The following RPSA2 variants were observed in gnomAD, a reference collection of about 807,000 sequenced individuals.
RPSA2 encodes small ribosomal subunit protein uS2B.
chr19:23,828,053 G>A, the RPSA2 span: 1 of 613,678 alleles, frequency 1.6e-6, no homozygotes, highest in Non-Finnish European at 2.9e-6. Flanking sequence ...GTCTTAAGCT[G>A]TTCTTGCATA....
At chr19:23,832,157 A>C in the RPSA2 span, 2 of 417,124 alleles carry the variant, frequency 4.8e-6, no homozygotes, top group Non-Finnish European at 9.7e-6. Context: ...GAATGTGGCA[A>C]AGCATTTTGC....
At chr19:23,859,645 TTGCTTAGTCATGTCTTC>T in the RPSA2 span, among the ~76,000 whole-genome samples, 6 of 152,116 alleles carry the variant, frequency 3.9e-5, no homozygotes, top group Non-Finnish European at 8.8e-5. Flanking sequence ...AAAAATTGAA[TTGCTTAGTCATGTCTTC>T]TGCTTATTTT....
the RPSA2 span, among the ~76,000 whole-genome samples, chr19:23,814,789 T>A: frequency 6.6e-6 from 1 of 152,190 alleles, no homozygotes; most frequent in Non-Finnish European, 1.5e-5. Flanking sequence ...TCAGTTTTGG[T>A]CAGAAAACAC....
At chr19:23,761,729 C>T in the RPSA2 span, among the ~76,000 whole-genome samples, 4 of 151,654 alleles carry the variant, frequency 2.6e-5, no homozygotes, top group Non-Finnish European at 5.9e-5. Context: ...GGACAGTTGG[C>T]CATGTTCAAT....
At chr19:23,830,925 C>T in the RPSA2 span, among the ~76,000 whole-genome samples, 65,755 of 151,794 alleles carry the variant, frequency 0.43, 14,920 homozygotes, top group Non-Finnish European at 0.52. Flanking sequence ...AGTCTGAAAA[C>T]AATTGTTTTG....
At chr19:23,826,838 A>G in the RPSA2 span, among the ~76,000 whole-genome samples, 1 of 150,954 alleles carries the variant, frequency 6.6e-6, no homozygotes, top group Admixed American at 6.6e-5. Context: ...GGCACGTGCC[A>G]ACACGTTTGG....
chr19:23,813,017 C>T, the RPSA2 span, among the ~76,000 whole-genome samples: 1 of 151,864 alleles, frequency 6.6e-6, no homozygotes, highest in Non-Finnish European at 1.5e-5. Flanking sequence ...TTGCTTGAGC[C>T]CAAAAGATTG....
chr19:23,868,650 G>A, the RPSA2 span, among the ~76,000 whole-genome samples: 2 of 152,330 alleles, frequency 1.3e-5, no homozygotes, highest in East Asian at 1.9e-4. Context: ...GAGGAAATTA[G>A]GAAAGTTTAT....
the RPSA2 span, among the ~76,000 whole-genome samples, chr19:23,806,497 G>A: frequency 0.022 from 3,331 of 151,914 alleles, 131 homozygotes; most frequent in African/African-American, 0.077. Context: ...AAAGTTCTGA[G>A]AAAAGTGGCT....
chr19:23,779,954 A>G, the RPSA2 span, among the ~76,000 whole-genome samples: 2 of 152,182 alleles, frequency 1.3e-5, no homozygotes, highest in East Asian at 1.9e-4. Flanking sequence ...AAGAAATTAC[A>G]TATCAGTGGC....
At chr19:23,866,366 C>T in the RPSA2 span, among the ~76,000 whole-genome samples, 1 of 152,230 alleles carries the variant, frequency 6.6e-6, no homozygotes, top group African/African-American at 2.4e-5. Context: ...CATGCTCAAG[C>T]AATGGCTAGT....
chr19:23,807,033 G>A, the RPSA2 span, among the ~76,000 whole-genome samples: 9 of 152,094 alleles, frequency 5.9e-5, no homozygotes, highest in Non-Finnish European at 1.3e-4. Flanking sequence ...TTGTTCGAGT[G>A]CATTTGATGT....
the RPSA2 span, among the ~76,000 whole-genome samples, chr19:23,797,987 G>T: frequency 2.0e-5 from 3 of 152,052 alleles, no homozygotes; most frequent in Non-Finnish European, 2.9e-5. Context: ...CTTAGATTAT[G>T]TGTAGATTTT....
chr19:23,847,832 C>A, the RPSA2 span, among the ~76,000 whole-genome samples: 2 of 152,094 alleles, frequency 1.3e-5, no homozygotes, highest in Non-Finnish European at 2.9e-5. Context: ...CAATTCTTTT[C>A]CCAGAGTATT....
At chr19:23,797,357 C>T in the RPSA2 span, among the ~76,000 whole-genome samples, 148,350 of 151,698 alleles carry the variant, frequency 0.98, 72,631 homozygotes, top group Middle Eastern at 1. Context: ...ATCTGCCTGC[C>T]TCGGCCTCCC....
the RPSA2 span, among the ~76,000 whole-genome samples, chr19:23,851,746 G>A: frequency 7.2e-5 from 11 of 152,296 alleles, no homozygotes; most frequent in Admixed American, 2.0e-4. Context: ...ATCAGTGAAC[G>A]CTGTAACGGC....
the RPSA2 span, among the ~76,000 whole-genome samples, chr19:23,866,475 C>T: frequency 2.6e-5 from 4 of 152,172 alleles, no homozygotes; most frequent in African/African-American, 7.2e-5. Context: ...AGGAATGCCA[C>T]CCCAGACCTC....
chr19:23,870,353 G>T, the RPSA2 span, among the ~76,000 whole-genome samples: 1 of 151,870 alleles, frequency 6.6e-6, no homozygotes. Context: ...ATGGTTCTGT[G>T]GTTAGGGGAA....
At chr19:23,839,701 T>C in the RPSA2 span, among the ~76,000 whole-genome samples, 5 of 152,230 alleles carry the variant, frequency 3.3e-5, no homozygotes, top group African/African-American at 1.2e-4. Context: ...CCCTTGCTTC[T>C]CTGTCCTCCT....
Sources: gnomAD v4.1 joint callset for allele counts (sites outside exome capture counted in the v4.1 genomes callset) on GRCh38, gnomAD v4.1.1 for gene constraint, MANE v1.5 for transcripts, NCBI Gene and HGNC (gene_info 2026-07-23, HGNC 2026-07-21) for gene names.